Variants in COG2 observed in about 807,000 individuals in gnomAD.
COG2 encodes conserved oligomeric Golgi complex subunit 2.
COG2 carries 52 observed loss-of-function variants against 90.6 expected under a neutral mutation model. The ratio of observed to expected loss-of-function variants is 0.57; its 90% CI spans 0.46 to 0.72. COG2 has a LOEUF of 0.72. Ranked by LOEUF, COG2 falls within the 30% of genes least tolerant of loss-of-function variation. COG2 has a pLI of 0.00. For missense variants in COG2, 829 were observed against 891.2 expected (o/e 0.93, Z 0.89); for synonymous variants, 337 against 320.4 (o/e 1.05, Z -0.55).
chr1:230,678,981 G>A lies in COG2; in HGVS notation c.1095G>A (p.Lys365=). The part of the protein sequence containing the change: ...ERQCGSQASV[K]RLRAHPAYHS... ...AGTGTGGATCACAGGCTAGTGTAAAGAGATTAAGAGCCCATCCTGCCTATC... is the reference window on the plus strand; with the variant it reads ...AGTGTGGATCACAGGCTAGTGTAAAAAGATTAAGAGCCCATCCTGCCTATC... Residue 365 remains lysine (K), a synonymous_variant, in exon 10 of 18, where the codon AAG becomes AAA. Transcript: ENST00000366669. 1.2e-6 allele frequency: 2 copies of A among 1,613,522 alleles called. No homozygotes were observed. The highest frequency in any genetic ancestry group is 1.3e-5 in the African/African-American group (1 of 74,938).
chr1:230,648,768 C>A (rs1213873741), intron 1 of COG2, among the ~76,000 whole-genome samples: 1 of 152,194 alleles, frequency 6.6e-6, no homozygotes, highest in Non-Finnish European at 1.5e-5. Flanking sequence ...CATCAAATTT[C>A]TTTGAGGATT....
chr1:230,666,101 T>C (rs1662314880), intron 5 of COG2, among the ~76,000 whole-genome samples: 1 of 152,196 alleles, frequency 6.6e-6, no homozygotes, highest in Non-Finnish European at 1.5e-5. Context: ...GACTCATCAG[T>C]CTGCTGACTG....
intron 1 of COG2, among the ~76,000 whole-genome samples, chr1:230,655,038 G>T (rs887948231): frequency 7.2e-5 from 11 of 152,180 alleles, no homozygotes; most frequent in Non-Finnish European, 1.0e-4. Context: ...CATGTCATCT[G>T]CAAACAGAGA....
chr1:230,680,942 C>T (rs1286426188), intron 10 of COG2: 1 of 152,164 alleles, frequency 6.6e-6, no homozygotes, highest in Non-Finnish European at 1.5e-5. Flanking sequence ...GATGGTTGGA[C>T]ATTTCCTAAG....
intron 17 of COG2, 69 bp downstream of exon 17, chr1:230,691,633 G>T: frequency 4.3e-6 from 6 of 1,399,256 alleles, no homozygotes; most frequent in Non-Finnish European, 5.9e-6. Context: ...CAGTTACTTG[G>T]TGGCTCGCGT....
At chr1:230,691,331 T>C in intron 16 of COG2, 53 bp from the exon 17 acceptor site, 2 of 1,474,436 alleles carry the variant, frequency 1.4e-6, no homozygotes, top group Non-Finnish European at 1.8e-6. Context: ...TTACTCTATT[T>C]GGTGTTACAC....
chr1:230,685,209 G>C lies in COG2; in HGVS notation c.1353G>C (p.Leu451Phe), dbSNP rs1662858247. The part of the protein sequence containing the change: ...HRLWRLTLQI[L>F]ARYSVFVNEL... Reference sequence around the variant, plus strand: ...TGTGGAGACTCACTCTGCAGATTTTGGCACGATACTCTGTGTTTGTCAATG... The same window carrying C: ...TGTGGAGACTCACTCTGCAGATTTTCGCACGATACTCTGTGTTTGTCAATG... The change falls in exon 12 of 18, where the codon TTG (leucine) becomes TTC (phenylalanine). Residue 451 changes from leucine (L) to phenylalanine (F), a missense_variant. Physicochemically the swap from Leu to Phe is conservative, Grantham distance 22 (BLOSUM62 0). Coordinates refer to ENST00000366669, the MANE Select transcript of COG2 (RefSeq NM_007357.3). 1 of 1,614,018 alleles carries C rather than the reference G, an allele frequency of 6.2e-7. No individual in the cohort carries two copies. Among genetic ancestry groups the C allele is most frequent in the African/African-American group, 1.3e-5 (1 of 74,894 alleles).
At chr1:230,685,311 G>T in intron 12 of COG2, 75 bp downstream of exon 12, 2 of 1,503,428 alleles carry the variant, frequency 1.3e-6, no homozygotes, top group South Asian at 1.2e-5. Context: ...AACTCCCTAA[G>T]ATTTTTGTAA....
In COG2 at chr1:230,671,608, T is replaced by C. The variant is rs762088480; in HGVS notation, c.867T>C (p.Leu289=). 3.7e-6 allele frequency: 6 copies of C among 1,613,796 alleles called. No homozygotes were observed. Among genetic ancestry groups the C allele is most frequent in the East Asian group, 2.2e-5 (1 of 44,884 alleles). ...AGTTTGTTCCTCACCATTGCCGCCT[T>C]CTTCGAGAAGTCACAGGAGGTGCCA... is the stretch of plus-strand genomic sequence containing the variant. ...LLEFVPHHCR[L]LREVTGGAIS... The change falls in exon 8 of 18, where the codon CTT becomes CTC. Residue 289 remains leucine (L), a synonymous_variant. Transcript: ENST00000366669.
intron 1 of COG2, among the ~76,000 whole-genome samples, chr1:230,655,028 C>A (rs1188553608): frequency 6.6e-6 from 1 of 152,194 alleles, no homozygotes; most frequent in African/African-American, 2.4e-5. Flanking sequence ...AATATACAAT[C>A]ATGTCATCTG....
Position 230,693,232 on chromosome 1 carries a change from T to TC in COG2, c.2116-60_2116-59insC, listed in dbSNP as rs375858232. ...AGGATGAAGATTTTCTTTCTTTTTT[T>TC]TCCCCCCCCATATTCAGCTTGAATT... On this transcript the variant is annotated intron_variant, in intron 17 of 17. Transcript: ENST00000366669. 4.3e-5 allele frequency: 42 copies of TC among 987,074 alleles called. No individual in the cohort carries two copies. In the African/African-American group the frequency reaches 4.9e-4, roughly 11 times the overall value. 61.1% of individuals were successfully genotyped at this position (987,074 alleles called of 1,614,324 possible). A position where few individuals can be genotyped will look rare whatever the true frequency, so the allele number is the denominator to read the frequency against.
chr1:230,688,162 T>A lies in COG2; in HGVS notation c.1651+19T>A. 6.7e-7 allele frequency: 1 copy of A among 1,490,494 alleles called. No homozygotes were observed. Among genetic ancestry groups the A allele is most frequent in the Non-Finnish European group, 9.2e-7 (1 of 1,087,578 alleles). The allele number at this position is 1,490,494 out of a possible 1,614,324, so 92.3% of individuals were successfully genotyped here. A position where few individuals can be genotyped will look rare whatever the true frequency, so the allele number is the denominator to read the frequency against. On this transcript the variant is annotated intron_variant, in intron 14 of 17. Coordinates refer to ENST00000366669, the MANE Select transcript of COG2 (RefSeq NM_007357.3). ...ATCTCAGGTAAAAATGAATCTTGAC[T>A]AAGCAAATCTTTGAATAAGAAATGA... is the stretch of plus-strand genomic sequence containing the variant.
chr1:230,686,843 A>G (rs954607016), intron 12 of COG2, 92 bp from the exon 13 acceptor site: 2 of 693,724 alleles, frequency 2.9e-6, no homozygotes, highest in Non-Finnish European at 4.5e-6. Flanking sequence ...CTAGCATTTA[A>G]TGGTGAGTTA....
chr1:230,693,262 T>C, intron 17 of COG2, 30 bp from the exon 18 acceptor site: 2 of 1,330,338 alleles, frequency 1.5e-6, no homozygotes, highest in Non-Finnish European at 2.2e-6. Context: ...TGAATTGCAG[T>C]AACATAATTC....
chr1:230,689,878 T>G, intron 15 of COG2, 136 bp from the exon 16 acceptor site: 1 of 809,904 alleles, frequency 1.2e-6, no homozygotes. Context: ...GTGTTACTTT[T>G]GGGAGGGATG....
At chr1:230,666,691 A>G (rs571203863) in intron 5 of COG2, among the ~76,000 whole-genome samples, 2 of 152,242 alleles carry the variant, frequency 1.3e-5, no homozygotes, top group East Asian at 1.9e-4. Context: ...ATGTATGGCC[A>G]TTTGTTGTAC....
At chr1:230,673,007 C>G (rs1662491868) in intron 8 of COG2, among the ~76,000 whole-genome samples, 1 of 152,202 alleles carries the variant, frequency 6.6e-6, no homozygotes, top group Non-Finnish European at 1.5e-5. Context: ...AGTACCCTCT[C>G]TGTTTCCTCT....
intron 1 of COG2, among the ~76,000 whole-genome samples, chr1:230,643,588 T>A (rs1661682559): frequency 1.7e-5 from 1 of 57,962 alleles, no homozygotes; most frequent in Non-Finnish European, 3.2e-5. Context: ...GGTGACATAA[T>A]GTTTTCTAGA....
At chr1:230,664,915 GTCATC>G (rs1454294096) in intron 5 of COG2, among the ~76,000 whole-genome samples, 1 of 152,160 alleles carries the variant, frequency 6.6e-6, no homozygotes, top group East Asian at 1.9e-4. Flanking sequence ...TGGAATAGCA[GTCATC>G]TTATTTAGAC....
Sources: allele counts gnomAD v4.1 joint callset (sites outside exome capture counted in the v4.1 genomes callset), GRCh38; gene constraint gnomAD v4.1.1; transcripts MANE v1.5; gene names NCBI Gene and HGNC (gene_info 2026-07-23, HGNC 2026-07-21).